PCDHA5: variants seen among roughly 807,000 people sequenced by gnomAD.
The protein encoded by PCDHA5 is protocadherin alpha 5, also known as protocadherin alpha-5.
PCDHA5 carries 43 observed loss-of-function variants against 61.6 expected under a neutral mutation model. The observed-to-expected ratio is 0.70, with a 90% CI of 0.55 to 0.90. The LOEUF is 0.90. PCDHA5 is among the 40% of genes least tolerant of loss of function. The pLI is 0.00. For synonymous variants in PCDHA5, 627 were observed against 543.9 expected, an observed-to-expected ratio of 1.15 and a Z score of -2.13; for missense variants, 1,298 against 1,222.7, an observed-to-expected ratio of 1.06 and a Z score of -0.92.
At chr5:140,829,637 A>G in intron 1 of PCDHA5, 2 of 1,612,300 alleles carry the variant, frequency 1.2e-6, no homozygotes, top group Non-Finnish European at 1.7e-6. Context: ...GGAGAGCGGC[A>G]AGGTGTACGC....
At chr5:140,879,757 C>T (rs1312451493) in intron 1 of PCDHA5, among the ~76,000 whole-genome samples, 1 of 152,212 alleles carries the variant, frequency 6.6e-6, no homozygotes, top group African/African-American at 2.4e-5. Context: ...GCTATACTCT[C>T]TTTGGAGGCC....
chr5:140,837,446 TA>T (rs1775051312), intron 1 of PCDHA5, among the ~76,000 whole-genome samples: 1 of 151,960 alleles, frequency 6.6e-6, no homozygotes, highest in South Asian at 2.1e-4. Flanking sequence ...TAGTACGTAG[TA>T]AAAAATCTCC....
At chr5:141,005,490 TC>T (rs1451220963) in intron 3 of PCDHA5, among the ~76,000 whole-genome samples, 1 of 151,242 alleles carries the variant, frequency 6.6e-6, no homozygotes. Flanking sequence ...GATCATGAGG[TC>T]AGGAGATCGA....
chr5:140,852,974 G>T (rs1554146261), intron 1 of PCDHA5: 2 of 368,228 alleles, frequency 5.4e-6, no homozygotes, highest in East Asian at 1.6e-4. Context: ...CCCCTCCCGT[G>T]TTCACGCCAT....
intron 1 of PCDHA5, chr5:140,884,130 C>T (rs1554181258): frequency 3.1e-6 from 5 of 1,613,434 alleles, no homozygotes; most frequent in Non-Finnish European, 3.4e-6. Flanking sequence ...GCGCGCATCC[C>T]GTTCCGCGTG....
intron 1 of PCDHA5, chr5:140,854,159 C>CAA (rs59855104): frequency 0.094 from 31,914 of 338,462 alleles, 1,044 homozygotes; most frequent in African/African-American, 0.16. Flanking sequence ...GATTCTGTCT[C>CAA]AAAAAAAAAA....
intron 1 of PCDHA5, among the ~76,000 whole-genome samples, chr5:140,874,132 A>C (rs181983769): frequency 1.3e-5 from 2 of 152,240 alleles, no homozygotes; most frequent in East Asian, 3.8e-4. Flanking sequence ...TATTTAAGTT[A>C]TCTTATACTT....
chr5:140,978,661 T>A (rs1035787381), intron 1 of PCDHA5, among the ~76,000 whole-genome samples: 15 of 152,246 alleles, frequency 9.9e-5, no homozygotes, highest in Admixed American at 9.8e-4. Context: ...CCGTAGTGTT[T>A]TAAGAACACA....
chr5:140,927,587 T>A, intron 1 of PCDHA5: 18 of 1,614,162 alleles, frequency 1.1e-5, no homozygotes, highest in Non-Finnish European at 1.5e-5. Context: ...AACGCGCCTG[T>A]ATTTGAGCGC....
At chr5:140,843,429 C>T (rs2150359763) in intron 1 of PCDHA5, 1 of 1,596,144 alleles carries the variant, frequency 6.3e-7, no homozygotes, top group Non-Finnish European at 8.6e-7. Context: ...CTGATCATCG[C>T]CATCTGCGCG....
chr5:140,990,822 C>G (rs1273714328), intron 3 of PCDHA5, among the ~76,000 whole-genome samples: 1 of 152,204 alleles, frequency 6.6e-6, no homozygotes. Flanking sequence ...CTTCTCTCAG[C>G]TAAAGCCTAT....
rs1164447924 is a variant in PCDHA5, at chr5:141,009,514, AT to A, written c.2501-108del. The A allele has an allele frequency of 1.5e-5, 22 of 1,501,204 alleles. 1 individual carries two copies. The South Asian group carries it at 1.9e-4, about 13-fold the overall frequency. 93.0% of individuals were successfully genotyped at this position (1,501,204 alleles called of 1,614,324 possible). ...CTCAGACTTGAACAAACAACTCGTG[AT>A]TTTTCTGGGGAGGTTCAGCCTGCCT... On this transcript the variant is annotated intron_variant, in intron 3 of 3. Coordinates refer to ENST00000529859, the MANE Select transcript of PCDHA5 (RefSeq NM_018908.3).
chr5:140,871,519 A>G, intron 1 of PCDHA5: 1 of 1,554,010 alleles, frequency 6.4e-7, no homozygotes, highest in East Asian at 2.3e-5. Flanking sequence ...GATTCCACCT[A>G]TCAGGAAGTG....
intron 1 of PCDHA5, chr5:140,877,029 G>A (rs782501659): frequency 4.7e-5 from 75 of 1,612,228 alleles, no homozygotes; most frequent in Middle Eastern, 2.0e-4. Context: ...AGGTGTACGC[G>A]CTGCAGCCGC....
At chr5:140,968,770 A>G in intron 1 of PCDHA5, 2 of 1,614,216 alleles carry the variant, frequency 1.2e-6, no homozygotes, top group Non-Finnish European at 1.7e-6. Context: ...ATGGAGAGCC[A>G]TCACTATCAG....
At chr5:140,937,399 T>C (rs2091517737) in intron 1 of PCDHA5, among the ~76,000 whole-genome samples, 1 of 152,226 alleles carries the variant, frequency 6.6e-6, no homozygotes, top group African/African-American at 2.4e-5. Context: ...TATAGGGGTA[T>C]TGCACAACTT....
intron 1 of PCDHA5, among the ~76,000 whole-genome samples, chr5:140,903,229 T>G (rs2153479721): frequency 6.6e-6 from 1 of 152,340 alleles, no homozygotes; most frequent in Non-Finnish European, 1.5e-5. Context: ...CATCTATTAC[T>G]TTTTGATTTT....
chr5:140,832,824 CT>C (rs1772174939), intron 1 of PCDHA5, among the ~76,000 whole-genome samples: 1 of 152,060 alleles, frequency 6.6e-6, no homozygotes, highest in Non-Finnish European at 1.5e-5. Flanking sequence ...AAATCTTTGC[CT>C]TTTTCCCTTG....
At chr5:140,829,290 C>T (rs1554131868) in intron 1 of PCDHA5, 1 of 1,614,136 alleles carries the variant, frequency 6.2e-7, no homozygotes, top group African/African-American at 1.3e-5. Context: ...CTGGTGTCCA[C>T]CTTCAAGAAT....
Sources: gnomAD v4.1 joint callset for allele counts (sites outside exome capture counted in the v4.1 genomes callset) on GRCh38, gnomAD v4.1.1 for gene constraint, MANE v1.5 for transcripts, NCBI Gene and HGNC (gene_info 2026-07-23, HGNC 2026-07-21) for gene names.